The following DDX10 variants were observed in gnomAD, a reference collection of about 807,000 sequenced individuals.
The protein encoded by DDX10 is DEAD-box helicase 10.
A neutral mutation model predicts 104.3 loss-of-function variants in DDX10; 74 were observed. That is an observed-to-expected ratio of 0.71 (90% CI 0.59 to 0.86). The LOEUF is 0.86. Among genes scored for constraint, DDX10 ranks in the 40% least tolerant of loss-of-function variants. The pLI is 0.00. For synonymous variants in DDX10, 351 were observed against 353.4 expected (o/e 0.99, Z 0.08); for missense variants, 952 against 1,040.0 (o/e 0.92, Z 1.16).
At chr11:108,797,215 G>T (rs1463235062) in intron 13 of DDX10, among the ~76,000 whole-genome samples, 2 of 152,054 alleles carry the variant, frequency 1.3e-5, no homozygotes, top group African/African-American at 4.8e-5. Flanking sequence ...TGTATTTTTA[G>T]TAGAGACGAG....
chr11:108,893,916 A>G (rs1340591527), intron 16 of DDX10, among the ~76,000 whole-genome samples: 1 of 152,080 alleles, frequency 6.6e-6, no homozygotes. Flanking sequence ...CATCTACCCA[A>G]AGTAAATGTC....
chr11:108,771,429 G>A (rs1035181069), intron 13 of DDX10, among the ~76,000 whole-genome samples: 2 of 151,572 alleles, frequency 1.3e-5, no homozygotes, highest in African/African-American at 4.9e-5. Context: ...GCATGATCTC[G>A]ACTCATGGAA....
chr11:108,757,844 G>A (rs1279015354), intron 13 of DDX10, among the ~76,000 whole-genome samples: 11 of 151,718 alleles, frequency 7.3e-5, no homozygotes, highest in Admixed American at 6.6e-4. Flanking sequence ...TTTTACTATC[G>A]ACTCTGTGAT....
intron 13 of DDX10, among the ~76,000 whole-genome samples, chr11:108,750,926 CTTTTTTTTTTTTTTTTTTTTT>C (rs10582729): frequency 7.8e-4 from 19 of 24,266 alleles, no homozygotes; most frequent in Admixed American, 5.5e-3. Context: ...CACCTGGTTA[CTTTTTTTTTTTTTTTTTTTTT>C]TTTTTTTTTT....
intron 13 of DDX10, among the ~76,000 whole-genome samples, chr11:108,797,525 A>G (rs1414632203): frequency 6.6e-6 from 1 of 152,252 alleles, no homozygotes; most frequent in Non-Finnish European, 1.5e-5. Flanking sequence ...TTTATATTAC[A>G]AAAAGACCGA....
chr11:108,850,026 A>G (rs979622832), intron 15 of DDX10, among the ~76,000 whole-genome samples: 6 of 152,224 alleles, frequency 3.9e-5, no homozygotes, highest in African/African-American at 1.4e-4. Flanking sequence ...TCAGAGTACT[A>G]ATAAAGCTTT....
At chr11:108,767,386 G>C (rs545940287) in intron 13 of DDX10, 1 of 152,128 alleles carries the variant, frequency 6.6e-6, no homozygotes, top group Non-Finnish European at 1.5e-5. Context: ...TTCAGGCATC[G>C]TAGACTTGAT....
chr11:108,706,782 GA>G lies in DDX10; in HGVS notation c.1272del (p.Ala425LeufsTer13), dbSNP rs757565635. 1 of 1,614,072 alleles carries G rather than the reference GA, an allele frequency of 6.2e-7. No homozygotes were observed. The highest frequency in any genetic ancestry group is 1.1e-5 in the South Asian group (1 of 91,084). On this transcript the variant is annotated frameshift_variant, in exon 10 of 18. Transcript: ENST00000322536. LOFTEE classifies it high-confidence loss of function. ...AGCTTTGCTAATTTTGCTACCCTCA[GA>G]AAAAGCTATGGTGCAGCAGCTTCTT... ...GEALLILLPS[E>X]KAMVQQLLQK...
chr11:108,885,357 CTTTTT>C (rs5794610), intron 16 of DDX10, among the ~76,000 whole-genome samples: 1 of 103,118 alleles, frequency 9.7e-6, no homozygotes, highest in Non-Finnish European at 2.0e-5. Flanking sequence ...TTCATTGTCA[CTTTTT>C]TTTTTTTTTT....
intron 13 of DDX10, among the ~76,000 whole-genome samples, chr11:108,733,935 C>G (rs375373404): frequency 8.9e-4 from 135 of 152,230 alleles, no homozygotes; most frequent in Non-Finnish European, 1.4e-3. Context: ...ACCATTCTTC[C>G]CAGTTTCCAC....
intron 13 of DDX10, among the ~76,000 whole-genome samples, chr11:108,737,754 T>C (rs922723703): frequency 1.2e-4 from 19 of 152,110 alleles, no homozygotes; most frequent in Admixed American, 2.0e-4. Context: ...ACCTCTTTCA[T>C]TGCTAGACTC....
At chr11:108,756,100 AT>A (rs1411549910) in intron 13 of DDX10, among the ~76,000 whole-genome samples, 11 of 152,050 alleles carry the variant, frequency 7.2e-5, no homozygotes, top group African/African-American at 2.7e-4. Flanking sequence ...GGCTATACTG[AT>A]TGTGTTAGTG....
intron 10 of DDX10, among the ~76,000 whole-genome samples, chr11:108,710,832 A>G (rs1007844579): frequency 2.0e-5 from 3 of 152,188 alleles, no homozygotes; most frequent in African/African-American, 7.2e-5. Flanking sequence ...CGACATCACT[A>G]GGTGATAGAA....
In DDX10 at chr11:108,665,141, C is replaced by A; in HGVS notation, c.-13C>A. The A allele has an allele frequency of 6.3e-7, 1 of 1,599,326 alleles. No individual in the cohort carries two copies. ...GTCTGGGGTTGATCCGAGCTGTCGC[C>A]GCCGCCGCCGCAATGGGCAAAACGG... On this transcript the variant is annotated 5_prime_UTR_variant, in exon 1 of 18. Transcript: ENST00000322536.
intron 16 of DDX10, among the ~76,000 whole-genome samples, chr11:108,885,644 G>C (rs1863287038): frequency 1.3e-5 from 2 of 152,044 alleles, no homozygotes; most frequent in African/African-American, 4.8e-5. Context: ...CAAAGTGCTG[G>C]GATTACAGGT....
intron 11 of DDX10, 113 bp from the exon 12 acceptor site, chr11:108,719,684 T>C: frequency 1.7e-6 from 1 of 603,772 alleles, no homozygotes; most frequent in East Asian, 2.9e-5. Flanking sequence ...CTGAACTATT[T>C]CGTGGTTTTT....
At chr11:108,685,946 G>A (rs1275080988) in intron 6 of DDX10, among the ~76,000 whole-genome samples, 1 of 152,040 alleles carries the variant, frequency 6.6e-6, no homozygotes, top group Non-Finnish European at 1.5e-5. Context: ...TTCCTTCAAA[G>A]GCATTTCCTT....
chr11:108,861,960 G>C (rs1401844420), intron 16 of DDX10, among the ~76,000 whole-genome samples: 1 of 152,090 alleles, frequency 6.6e-6, no homozygotes, highest in Non-Finnish European at 1.5e-5. Context: ...TCGGGAGGCG[G>C]AGGTTGCAGT....
chr11:108,785,152 A>G (rs890397878), intron 13 of DDX10, among the ~76,000 whole-genome samples: 2 of 152,140 alleles, frequency 1.3e-5, no homozygotes, highest in African/African-American at 4.8e-5. Flanking sequence ...GATTTTATCA[A>G]AAGGTAAATT....
Sources: gnomAD v4.1 joint callset for allele counts (sites outside exome capture counted in the v4.1 genomes callset) on GRCh38, gnomAD v4.1.1 for gene constraint, MANE v1.5 for transcripts, NCBI Gene and HGNC (gene_info 2026-07-23, HGNC 2026-07-21) for gene names.